CARMIL3: variants seen among roughly 807,000 people sequenced by gnomAD.
The protein encoded by CARMIL3 is capping protein, Arp2/3 and myosin-I linker protein 3.
CARMIL3 carries 88 observed loss-of-function variants against 180.8 expected under a neutral mutation model. That is an observed-to-expected ratio of 0.49 (90% CI 0.41 to 0.58). CARMIL3 has a LOEUF of 0.58. Ranked by LOEUF, CARMIL3 falls within the 20% of genes least tolerant of loss-of-function variation. The pLI, the probability that CARMIL3 is intolerant of heterozygous loss-of-function variation, is 0.00. For synonymous variants in CARMIL3, 696 were observed against 714.5 expected, an observed-to-expected ratio of 0.97 and a Z score of 0.41; for missense variants, 1,548 against 1,787.0, an observed-to-expected ratio of 0.87 and a Z score of 2.41.
chr14:24,055,050 A>G lies in CARMIL3; in HGVS notation c.461-16A>G, dbSNP rs368193441. The G allele has an allele frequency of 9.3e-6, 15 of 1,612,602 alleles. No homozygotes were observed. The African/African-American group carries it at 1.5e-4, about 16-fold the overall frequency. On this transcript the variant is annotated splice_polypyrimidine_tract_variant and intron_variant, in intron 6 of 39. Transcript: ENST00000342740. ...CTCCTTACCCTCATGGAATCAGCCT[A>G]TCTCCTGCCCCACAGGTGGCTTCTC...
At chr14:24,062,108 G>A in intron 27 of CARMIL3, 1 of 359,146 alleles carries the variant, frequency 2.8e-6, no homozygotes. Context: ...GAAACAGCTA[G>A]GCCCAAGGAA....
Position 24,069,140 on chromosome 14 carries a change from C to A in CARMIL3, c.3986C>A (p.Pro1329His), listed in dbSNP as rs562479653. The A allele has an allele frequency of 6.2e-7, 1 of 1,613,964 alleles. No individual in the cohort carries two copies. The highest frequency in any genetic ancestry group is 1.1e-5 in the South Asian group (1 of 91,084). Residue 1329 changes from proline (P) to histidine (H), a missense_variant, in exon 39 of 40, where the codon CCC becomes CAC. By Grantham distance (77) the Pro-to-His change is moderately conservative. Around this residue, in one of 4 missense-constraint regions of CARMIL3, gnomAD observed 668 missense variants for 687.8 expected, o/e 0.97. Coordinates refer to ENST00000342740, the MANE Select transcript of CARMIL3 (RefSeq NM_138360.4). ...CCTGCCTTGATTGTTATTTCAGGGC[C>A]CCCTGATCCAGGCCGGCGGACTGCC... ...QDQEEPEVQGPPDPGRRTAPL... is the reference protein window; with the variant it reads ...QDQEEPEVQGHPDPGRRTAPL...
chr14:24,064,252 G>A lies in CARMIL3; in HGVS notation c.2986G>A (p.Ala996Thr). The A allele has an allele frequency of 6.2e-7, 1 of 1,611,320 alleles. No individual in the cohort carries two copies. The highest frequency in any genetic ancestry group is 1.3e-5 in the African/African-American group (1 of 75,002). The change falls in exon 32 of 40, where the codon GCA becomes ACA. Residue 996 changes from alanine to threonine, a missense_variant. Coordinates refer to ENST00000342740, the MANE Select transcript of CARMIL3 (RefSeq NM_138360.4). ...PPGPGRPSMP[A>T]PGTRQENGMA... ...GGGACTTTCCTCCCAGCAGATGCCAGCACCTGGGACTCGTCAGGAGAATGG... is the reference window on the plus strand; with the variant it reads ...GGGACTTTCCTCCCAGCAGATGCCAACACCTGGGACTCGTCAGGAGAATGG...
At position 24,058,739 on chromosome 14, in the gene CARMIL3, C is replaced by A; in HGVS notation, c.1452C>A (p.Gly484=). Residue 484 remains glycine, a synonymous_variant, in exon 18 of 40, where the codon GGC becomes GGA. Transcript: ENST00000342740. The surrounding 1 kb of genome is among the most constrained non-coding windows in gnomAD (Gnocchi z 6.4). ...AGCTGGGAGCTGTCACCTGTGTAGG[C>A]AGCCTGGATCTGTCAGACAATGGTG... The part of the protein sequence containing the change: ...QEQLGAVTCV[G]SLDLSDNGFD... The A allele has an allele frequency of 1.2e-6, 2 of 1,614,172 alleles. No individual in the cohort carries two copies. Among genetic ancestry groups the A allele is most frequent in the Non-Finnish European group, 1.7e-6 (2 of 1,180,030 alleles).
chr14:24,069,684 CA>C lies in CARMIL3; in HGVS notation c.*281del. 1.9e-6 allele frequency: 1 copy of C among 536,320 alleles called. No homozygotes were observed. Among genetic ancestry groups the C allele is most frequent in the Non-Finnish European group, 3.3e-6 (1 of 299,988 alleles). The allele number at this position is 536,320 out of a possible 1,614,324, so 33.2% of individuals were successfully genotyped here. On this transcript the variant is annotated 3_prime_UTR_variant, in exon 40 of 40. Transcript: ENST00000342740. ...GGGTGGATCTCTGTCCCTCTATCCC[CA>C]GGGACTCTCTCCCCTCTTGTATAGA... is the stretch of plus-strand genomic sequence containing the variant.
chr14:24,063,217 A>G (rs950575457), intron 30 of CARMIL3, 34 bp downstream of exon 30: 1 of 1,607,890 alleles, frequency 6.2e-7, no homozygotes, highest in African/African-American at 1.3e-5. Context: ...CATGGACTCC[A>G]GACTCCCGCC....
chr14:24,054,944 A>C lies in CARMIL3; in HGVS notation c.461-122A>C. 1.4e-6 allele frequency: 2 copies of C among 1,384,918 alleles called. No individual in the cohort carries two copies. Among genetic ancestry groups the C allele is most frequent in the South Asian group, 2.5e-5 (2 of 79,806 alleles). 85.8% of individuals were successfully genotyped at this position (1,384,918 alleles called of 1,614,324 possible). A position where few individuals can be genotyped will look rare whatever the true frequency, so the allele number is the denominator to read the frequency against. ...GACTCCCAGCTCCCAGACCTCAGGAAGTTCATGGCATAGCAAGAACCAAGA... is the reference window on the plus strand; with the variant it reads ...GACTCCCAGCTCCCAGACCTCAGGACGTTCATGGCATAGCAAGAACCAAGA... On this transcript the variant is annotated intron_variant, in intron 6 of 39. Coordinates refer to ENST00000342740, the MANE Select transcript of CARMIL3 (RefSeq NM_138360.4). This position sits in a 1 kb window ranked among gnomAD's most constrained non-coding sequence, Gnocchi z 5.1.
rs2035620694 is a variant in CARMIL3, at chr14:24,052,051, G to T, written c.-103G>T. ...CGGAGCGGGCTCGGCCGCTGCTGCA[G>T]CGCTCAGCGCCCGGGCCCTGCTGAA... On this transcript the variant is annotated 5_prime_UTR_variant, in exon 1 of 40. Coordinates refer to ENST00000342740, the MANE Select transcript of CARMIL3 (RefSeq NM_138360.4). 6 of 1,221,622 alleles carry T rather than the reference G, an allele frequency of 4.9e-6. No homozygotes were observed. The South Asian group carries it at 1.0e-4, about 21-fold the overall frequency. The allele number at this position is 1,221,622 out of a possible 1,614,324, so 75.7% of individuals were successfully genotyped here.
intron 24 of CARMIL3, 82 bp downstream of exon 24, chr14:24,060,337 GC>G: frequency 6.9e-7 from 1 of 1,449,316 alleles, no homozygotes; most frequent in South Asian, 1.2e-5. Context: ...GAGTGGGGGA[GC>G]ATGAAGAGGC....
Position 24,057,975 on chromosome 14 carries a change from C to T in CARMIL3, c.1233C>T (p.Ala411=), listed in dbSNP as rs1381035581. The T allele has an allele frequency of 1.2e-6, 2 of 1,613,622 alleles. No homozygotes were observed. Among genetic ancestry groups the T allele is most frequent in the Middle Eastern group, 1.6e-4 (1 of 6,062 alleles). Residue 411 remains alanine, a synonymous_variant, in exon 16 of 40, where the codon GCC becomes GCT. Coordinates refer to ENST00000342740, the MANE Select transcript of CARMIL3 (RefSeq NM_138360.4). ...CTCTCCACAGGAAGGGTCGAGAGGC[C>T]CCGCCGGCCTTCAAGCAGTTCTTCA... The part of the protein sequence containing the change: ...NSCSHRKGRE[A]PPAFKQFFSS...
At chr14:24,063,643 C>G (rs1253340311) in intron 31 of CARMIL3, 110 bp downstream of exon 31, 5 of 1,049,726 alleles carry the variant, frequency 4.8e-6, no homozygotes, top group Non-Finnish European at 6.8e-6. Context: ...AGGGATTGGG[C>G]AGGAGTCCAG....
chr14:24,057,762 C>A (rs556730676), intron 14 of CARMIL3, 41 bp from the exon 15 acceptor site: 26 of 1,567,650 alleles, frequency 1.7e-5, no homozygotes, highest in South Asian at 1.0e-4. Flanking sequence ...CCCCCTACCC[C>A]CTTCCAGCTC....
At chr14:24,056,843 G>T in intron 12 of CARMIL3, 72 bp from the exon 13 acceptor site, 1 of 1,550,836 alleles carries the variant, frequency 6.4e-7, no homozygotes, top group South Asian at 1.1e-5. Flanking sequence ...TTTGGGGAGA[G>T]GGGAAGAGTT....
chr14:24,068,560 G>T, intron 36 of CARMIL3, 24 bp from the exon 37 acceptor site: 1 of 1,579,470 alleles, frequency 6.3e-7, no homozygotes. Flanking sequence ...TTTTCCTGCA[G>T]CTTCTCCTCT....
chr14:24,055,054 C>T lies in CARMIL3; in HGVS notation c.461-12C>T, dbSNP rs779801328. The T allele has an allele frequency of 6.2e-7, 1 of 1,612,902 alleles. No individual in the cohort carries two copies. Among genetic ancestry groups the T allele is most frequent in the Non-Finnish European group, 8.5e-7 (1 of 1,179,876 alleles). Reference sequence around the variant, plus strand: ...TTACCCTCATGGAATCAGCCTATCTCCTGCCCCACAGGTGGCTTCTCTGAG... The same window carrying T: ...TTACCCTCATGGAATCAGCCTATCTTCTGCCCCACAGGTGGCTTCTCTGAG... On this transcript the variant is annotated splice_polypyrimidine_tract_variant and intron_variant, in intron 6 of 39. Transcript: ENST00000342740.
Position 24,059,915 on chromosome 14 carries a change from C to A in CARMIL3, c.1869-55C>A. The A allele has an allele frequency of 6.3e-7, 1 of 1,589,436 alleles. No individual in the cohort carries two copies. The highest frequency in any genetic ancestry group is 1.1e-5 in the South Asian group (1 of 90,468). On this transcript the variant is annotated intron_variant, in intron 22 of 39. Coordinates refer to ENST00000342740, the MANE Select transcript of CARMIL3 (RefSeq NM_138360.4). The surrounding 1 kb of genome is among the most constrained non-coding windows in gnomAD (Gnocchi z 6.3). ...GAGGGCTGCTCACCAACAGAGGAGGCAGGGGCCTCCCATCCTCACCTGTTC... is the reference window on the plus strand; with the variant it reads ...GAGGGCTGCTCACCAACAGAGGAGGAAGGGGCCTCCCATCCTCACCTGTTC...
intron 8 of CARMIL3, 85 bp downstream of exon 8, chr14:24,055,395 C>T: frequency 6.5e-7 from 1 of 1,529,748 alleles, no homozygotes; most frequent in Non-Finnish European, 9.1e-7. Context: ...CTTCTGGTCC[C>T]ACAGCCCCAG....
At chr14:24,066,950 A>C (rs573336171) in intron 36 of CARMIL3, among the ~76,000 whole-genome samples, 27 of 152,348 alleles carry the variant, frequency 1.8e-4, no homozygotes, top group African/African-American at 6.5e-4. Context: ...TCTGGTCACC[A>C]TTGGCACAGT....
chr14:24,060,534 G>A, intron 24 of CARMIL3, 94 bp from the exon 25 acceptor site: 2 of 1,528,376 alleles, frequency 1.3e-6, no homozygotes, highest in Non-Finnish European at 1.8e-6. Flanking sequence ...CTCCACCACT[G>A]TCGGTGCCAG....
Sources: gnomAD v4.1 joint callset for allele counts (sites outside exome capture counted in the v4.1 genomes callset) on GRCh38, gnomAD v4.1.1 for gene constraint, gnomAD v4.1.1 regional missense constraint, Gnocchi (gnomAD v3.1) non-coding constraint, MANE v1.5 for transcripts, NCBI Gene and HGNC (gene_info 2026-07-23, HGNC 2026-07-21) for gene names.